The following GABRG3 variants were observed in gnomAD, a reference collection of about 807,000 sequenced individuals.
GABRG3 encodes gamma-aminobutyric acid type A receptor subunit gamma3, also known as gamma-aminobutyric acid receptor subunit gamma-3.
GABRG3 carries 25 observed loss-of-function variants against 48.8 expected under a neutral mutation model. The ratio of observed to expected loss-of-function variants is 0.51; its 90% CI spans 0.37 to 0.72. The LOEUF is 0.72. GABRG3 is among the 30% of genes least tolerant of loss of function. The pLI, the probability that GABRG3 is intolerant of heterozygous loss-of-function variation, is 0.00. For synonymous variants in GABRG3, 227 were observed against 217.6 expected, an observed-to-expected ratio of 1.04 and a Z score of -0.38; for missense variants, 394 against 577.9, an observed-to-expected ratio of 0.68 and a Z score of 3.26.
chr15:27,528,685 T>C (rs1209452481), intron 9 of GABRG3, among the ~76,000 whole-genome samples: 1 of 139,690 alleles, frequency 7.2e-6, no homozygotes, highest in Non-Finnish European at 1.5e-5. Flanking sequence ...CTTTTCCCAT[T>C]GGCATTTCTT....
At chr15:27,219,536 G>A (rs1166498607) in intron 3 of GABRG3, among the ~76,000 whole-genome samples, 1 of 152,210 alleles carries the variant, frequency 6.6e-6, no homozygotes, top group Non-Finnish European at 1.5e-5. Context: ...CAGTGGTCAT[G>A]TCCATGGATC....
intron 5 of GABRG3, among the ~76,000 whole-genome samples, chr15:27,461,099 C>T (rs1889434471): frequency 6.6e-6 from 1 of 152,118 alleles, no homozygotes; most frequent in African/African-American, 2.4e-5. Flanking sequence ...TCACTCACTC[C>T]CTCCTCACCA....
At chr15:27,096,026 G>T (rs1265834146) in intron 3 of GABRG3, among the ~76,000 whole-genome samples, 2 of 152,170 alleles carry the variant, frequency 1.3e-5, no homozygotes, top group Non-Finnish European at 2.9e-5. Context: ...AGCCTGGCAG[G>T]CTGCAGATCC....
chr15:27,458,936 CA>C (rs895953975), intron 5 of GABRG3, among the ~76,000 whole-genome samples: 45 of 152,228 alleles, frequency 3.0e-4, no homozygotes, highest in African/African-American at 1.1e-3. Flanking sequence ...CCGTCTCCGG[CA>C]CATTCTCTTC....
intron 3 of GABRG3, among the ~76,000 whole-genome samples, chr15:27,276,222 C>T (rs147655220): frequency 2.7e-3 from 415 of 152,260 alleles, no homozygotes; most frequent in African/African-American, 9.4e-3. Context: ...CACAGGCTAA[C>T]AAAAAGCCAG....
At chr15:27,413,326 G>A (rs1887852527) in intron 5 of GABRG3, among the ~76,000 whole-genome samples, 1 of 152,106 alleles carries the variant, frequency 6.6e-6, no homozygotes, top group South Asian at 2.1e-4. Flanking sequence ...GGCAAAAAAT[G>A]TAGAAGTAAA....
At chr15:27,516,792 C>T (rs1007800934) in intron 6 of GABRG3, among the ~76,000 whole-genome samples, 3 of 152,202 alleles carry the variant, frequency 2.0e-5, no homozygotes, top group Admixed American at 6.5e-5. Context: ...TCCACTGTGA[C>T]GTTTCAAAAC....
chr15:27,142,375 G>A (rs186732793), intron 3 of GABRG3, among the ~76,000 whole-genome samples: 187 of 152,234 alleles, frequency 1.2e-3, no homozygotes, highest in African/African-American at 4.1e-3. Context: ...AAGGAGGATC[G>A]AGTCCCATCT....
intron 5 of GABRG3, among the ~76,000 whole-genome samples, chr15:27,330,895 G>C (rs1178621874): frequency 2.0e-5 from 3 of 152,124 alleles, no homozygotes; most frequent in Admixed American, 6.5e-5. Flanking sequence ...GAGCCAGGGG[G>C]TGGACAGTCT....
At chr15:27,390,459 G>T (rs1896186217) in intron 5 of GABRG3, among the ~76,000 whole-genome samples, 1 of 152,142 alleles carries the variant, frequency 6.6e-6, no homozygotes, top group Non-Finnish European at 1.5e-5. Flanking sequence ...GAACTTATCA[G>T]AATATTATTT....
At chr15:26,984,753 T>G (rs571432388) in intron 2 of GABRG3, among the ~76,000 whole-genome samples, 19 of 152,306 alleles carry the variant, frequency 1.2e-4, no homozygotes, top group Non-Finnish European at 2.2e-4. Context: ...TTCAAGAAAC[T>G]TAAACCACTC....
At chr15:27,023,319 C>G (rs1895929986) in intron 2 of GABRG3, among the ~76,000 whole-genome samples, 1 of 152,134 alleles carries the variant, frequency 6.6e-6, no homozygotes, top group South Asian at 2.1e-4. Flanking sequence ...ATACACATAA[C>G]ATGAAATTTG....
chr15:27,389,879 C>T (rs932782527), intron 5 of GABRG3, among the ~76,000 whole-genome samples: 1 of 152,150 alleles, frequency 6.6e-6, no homozygotes, highest in Non-Finnish European at 1.5e-5. Flanking sequence ...GCAAAATATG[C>T]GGGCATAAAA....
At chr15:27,120,044 G>A (rs1897705199) in intron 3 of GABRG3, among the ~76,000 whole-genome samples, 1 of 152,196 alleles carries the variant, frequency 6.6e-6, no homozygotes, top group Admixed American at 6.5e-5. Context: ...CAGGAGGTGG[G>A]GATCATGGAA....
chr15:27,064,384 G>C (rs1896702262), intron 3 of GABRG3, among the ~76,000 whole-genome samples: 1 of 152,144 alleles, frequency 6.6e-6, no homozygotes. Flanking sequence ...TGTGAAATTG[G>C]AGCTTGGTGC....
chr15:27,099,916 T>A (rs1897327290), intron 3 of GABRG3, among the ~76,000 whole-genome samples: 1 of 152,092 alleles, frequency 6.6e-6, no homozygotes, highest in African/African-American at 2.4e-5. Flanking sequence ...AATTTGACAT[T>A]ATTCTAAAAA....
chr15:27,425,128 G>A (rs1043035038), intron 5 of GABRG3, among the ~76,000 whole-genome samples: 6 of 152,106 alleles, frequency 3.9e-5, no homozygotes, highest in African/African-American at 1.2e-4. Flanking sequence ...AGAGCTGTCC[G>A]TACAACTCCC....
chr15:27,075,495 A>C (rs1730181845), intron 3 of GABRG3, among the ~76,000 whole-genome samples: 1 of 152,212 alleles, frequency 6.6e-6, no homozygotes, highest in Admixed American at 6.5e-5. Context: ...CTAGTGCAAA[A>C]ATGAAGGCAA....
chr15:27,517,865 C>G (rs1202472202), intron 6 of GABRG3, among the ~76,000 whole-genome samples: 1 of 152,070 alleles, frequency 6.6e-6, no homozygotes, highest in Non-Finnish European at 1.5e-5. Context: ...ATCCTAATTC[C>G]TTTGTACTGA....
Sources: allele counts gnomAD v4.1 joint callset (sites outside exome capture counted in the v4.1 genomes callset), GRCh38; gene constraint gnomAD v4.1.1; transcripts MANE v1.5; gene names NCBI Gene and HGNC (gene_info 2026-07-23, HGNC 2026-07-21).